RBFOX1: variants seen among roughly 807,000 people sequenced by gnomAD.
The protein encoded by RBFOX1 is RNA binding fox-1 homolog 1, also known as RNA binding protein fox-1 homolog 1.
Under a neutral mutation model 57.7 loss-of-function variants are expected in RBFOX1, and 8 were observed. The observed-to-expected ratio is 0.14, with a 90% confidence interval of 0.08 to 0.25. RBFOX1 has a LOEUF of 0.25. Ranked by LOEUF, RBFOX1 falls within the 10% of genes least tolerant of loss-of-function variation. RBFOX1 has a pLI of 1.00. For synonymous variants in RBFOX1, 326 were observed against 222.4 expected (o/e 1.47, Z -4.15); for missense variants, 611 against 548.5 (o/e 1.11, Z -1.14).
intron 1 of RBFOX1, among the ~76,000 whole-genome samples, chr16:6,142,397 A>G (rs1000424722): frequency 6.6e-6 from 1 of 151,332 alleles, no homozygotes; most frequent in Middle Eastern, 3.2e-3. Flanking sequence ...AATTTTTTGT[A>G]TTTTTAGTAG....
intron 4 of RBFOX1, among the ~76,000 whole-genome samples, chr16:7,080,718 C>G (rs754608058): frequency 1.3e-5 from 2 of 152,144 alleles, no homozygotes; most frequent in Admixed American, 6.5e-5. Context: ...TGCTTCCCAT[C>G]ACAGATGACA....
chr16:5,557,932 C>A (rs906834638), intron 2 of RBFOX1, among the ~76,000 whole-genome samples: 1 of 152,134 alleles, frequency 6.6e-6, no homozygotes, highest in African/African-American at 2.4e-5. Flanking sequence ...AGTGGAACAA[C>A]GTGGCAGAGA....
At chr16:6,789,244 T>G (rs2082494368) in intron 3 of RBFOX1, among the ~76,000 whole-genome samples, 1 of 152,150 alleles carries the variant, frequency 6.6e-6, no homozygotes, top group Non-Finnish European at 1.5e-5. Flanking sequence ...TTGTATCATT[T>G]CCCAAGCCGC....
At chr16:6,467,747 A>G (rs2095083085) in intron 2 of RBFOX1, among the ~76,000 whole-genome samples, 1 of 152,196 alleles carries the variant, frequency 6.6e-6, no homozygotes, top group Non-Finnish European at 1.5e-5. Flanking sequence ...CCCTAAGGGT[A>G]AGGATTAGAC....
chr16:7,262,297 G>C (rs1007226821), intron 4 of RBFOX1, among the ~76,000 whole-genome samples: 6 of 145,552 alleles, frequency 4.1e-5, no homozygotes, highest in African/African-American at 1.5e-4. Flanking sequence ...GTCTTTTCCT[G>C]ATTGCCCATT....
intron 1 of RBFOX1, among the ~76,000 whole-genome samples, chr16:6,046,927 TC>T (rs1259366844): frequency 2.6e-5 from 4 of 152,098 alleles, no homozygotes; most frequent in African/African-American, 9.7e-5. Flanking sequence ...TGGCCAGATG[TC>T]TAAGTATATG....
intron 2 of RBFOX1, among the ~76,000 whole-genome samples, chr16:5,531,296 C>T (rs1451179561): frequency 2.6e-5 from 4 of 152,076 alleles, no homozygotes; most frequent in South Asian, 2.1e-4. Flanking sequence ...TTGCAGCAGA[C>T]AGGGGTACTT....
intron 2 of RBFOX1, among the ~76,000 whole-genome samples, chr16:6,389,669 G>T (rs2092493421): frequency 6.6e-6 from 1 of 152,158 alleles, no homozygotes; most frequent in South Asian, 2.1e-4. Flanking sequence ...TAAACATGAG[G>T]TAGGTTTTTC....
At chr16:6,901,531 C>T (rs1434824127) in intron 3 of RBFOX1, among the ~76,000 whole-genome samples, 1 of 152,120 alleles carries the variant, frequency 6.6e-6, no homozygotes, top group Non-Finnish European at 1.5e-5. Context: ...TCTAGTTAAG[C>T]AAATCCAGAG....
rs143375452 is a variant in RBFOX1 at position 6,949,318 on chromosome 16, T to G, written c.-15-102739T>G. ...AAGAAAGACATGTACCAGTTAGTTT[T>G]CAATCTTCGCTCACCTTTTGTTCCT... is the stretch of plus-strand genomic sequence containing the variant. On this transcript the variant is annotated intron_variant, in intron 3 of 15. Coordinates refer to ENST00000550418, the MANE Select transcript of RBFOX1 (RefSeq NM_018723.4). Among the ~76,000 whole-genome samples, 555 of 152,324 alleles carry G rather than the reference T, an allele frequency of 3.6e-3. 3 individuals carry two copies. Among genetic ancestry groups the G allele is most frequent in the African/African-American group, 0.013 (528 of 41,574 alleles).
chr16:6,838,510 G>A (rs994987036), intron 3 of RBFOX1, among the ~76,000 whole-genome samples: 1 of 152,156 alleles, frequency 6.6e-6, no homozygotes, highest in East Asian at 1.9e-4. Flanking sequence ...TTAAAAGTGG[G>A]TATAAATGCA....
intron 4 of RBFOX1, among the ~76,000 whole-genome samples, chr16:7,456,948 T>C (rs958640988): frequency 6.6e-6 from 1 of 152,030 alleles, no homozygotes; most frequent in African/African-American, 2.4e-5. Context: ...CTGAGTGCAA[T>C]GGCGCGATCC....
chr16:7,158,388 G>T (rs2077578650), intron 4 of RBFOX1, among the ~76,000 whole-genome samples: 1 of 152,166 alleles, frequency 6.6e-6, no homozygotes, highest in African/African-American at 2.4e-5. Flanking sequence ...ATCACAACCA[G>T]TGATTGATCT....
intron 4 of RBFOX1, among the ~76,000 whole-genome samples, chr16:5,959,494 T>C (rs1383644018): frequency 6.6e-6 from 1 of 152,220 alleles, no homozygotes; most frequent in Non-Finnish European, 1.5e-5. Context: ...AAGAGTAGTG[T>C]TCCTCATTTT....
chr16:7,254,256 A>C (rs750628110), intron 4 of RBFOX1, among the ~76,000 whole-genome samples: 23 of 152,198 alleles, frequency 1.5e-4, no homozygotes, highest in Non-Finnish European at 3.2e-4. Context: ...GCAAGGACTC[A>C]TAGTATTAAC....
At chr16:6,314,178 G>A (rs558356250) in intron 1 of RBFOX1, among the ~76,000 whole-genome samples, 1 of 152,248 alleles carries the variant, frequency 6.6e-6, no homozygotes, top group East Asian at 1.9e-4. Context: ...GAAGGTCAAT[G>A]TCCTTTCTTG....
At chr16:7,537,802 TGCAGACTAGA>T (rs2081901754) in intron 5 of RBFOX1, among the ~76,000 whole-genome samples, 1 of 152,038 alleles carries the variant, frequency 6.6e-6, no homozygotes, top group Admixed American at 6.5e-5. Flanking sequence ...TTCAGTTGAA[TGCAGACTAGA>T]GCCTTTGAAA....
At chr16:6,681,086 G>A (rs1299956082) in intron 3 of RBFOX1, among the ~76,000 whole-genome samples, 4 of 152,112 alleles carry the variant, frequency 2.6e-5, no homozygotes, top group Admixed American at 2.6e-4. Flanking sequence ...TGAGGTGGGT[G>A]GATCATTTGA....
chr16:7,703,993 C>T (rs1369722927), intron 14 of RBFOX1, among the ~76,000 whole-genome samples: 1 of 152,216 alleles, frequency 6.6e-6, no homozygotes, highest in South Asian at 2.1e-4. Context: ...ATAATCTCCT[C>T]TATCTGTAGG....
Sources: gnomAD v4.1 joint callset for allele counts (sites outside exome capture counted in the v4.1 genomes callset) on GRCh38, gnomAD v4.1.1 for gene constraint, MANE v1.5 for transcripts, NCBI Gene and HGNC (gene_info 2026-07-23, HGNC 2026-07-21) for gene names.